Variants in DPP6 observed in about 807,000 individuals in gnomAD.
The protein encoded by DPP6 is A-type potassium channel modulatory protein DPP6.
Under a neutral mutation model 122.6 loss-of-function variants are expected in DPP6, and 69 were observed. The observed-to-expected ratio is 0.56, with a 90% CI of 0.46 to 0.69. The LOEUF (loss-of-function observed/expected upper bound fraction) is 0.69. DPP6 is among the 30% of genes least tolerant of loss of function. The pLI, the probability that DPP6 is intolerant of heterozygous loss-of-function variation, is 0.00. For missense variants in DPP6, 928 were observed against 1,116.9 expected (o/e 0.83, Z 2.41); for synonymous variants, 418 against 433.1 (o/e 0.97, Z 0.43).
chr7:154,197,926 G>T (rs1053637837), intron 1 of DPP6, among the ~76,000 whole-genome samples: 1 of 152,152 alleles, frequency 6.6e-6, no homozygotes, highest in African/African-American at 2.4e-5. Flanking sequence ...TCCAGCAGGA[G>T]CGGCCCACCC....
chr7:154,729,783 G>A (rs1013423043), intron 8 of DPP6, among the ~76,000 whole-genome samples: 1 of 152,208 alleles, frequency 6.6e-6, no homozygotes, highest in African/African-American at 2.4e-5. Context: ...CTCAGAGCAT[G>A]CTGAAGAGTC....
chr7:154,422,080 A>G (rs763949747), intron 1 of DPP6, among the ~76,000 whole-genome samples: 2 of 152,250 alleles, frequency 1.3e-5, no homozygotes, highest in Non-Finnish European at 2.9e-5. Context: ...CCAAGGGAGC[A>G]GTTAGTGAAA....
At chr7:154,458,385 C>T (rs1820988094) in intron 2 of DPP6, among the ~76,000 whole-genome samples, 1 of 152,170 alleles carries the variant, frequency 6.6e-6, no homozygotes, top group African/African-American at 2.4e-5. Context: ...ATTGTGAGGC[C>T]TCCCCAGCCA....
Position 154,296,563 on chromosome 7 carries a change from A to G in DPP6, c.244-149651A>G, listed in dbSNP as rs80026270. ...GTCCTTGGTTCCCAGGAAAAGTGACAGCCTTAACGGCAGCACTGTGATTAC... is the reference window on the plus strand; with the variant it reads ...GTCCTTGGTTCCCAGGAAAAGTGACGGCCTTAACGGCAGCACTGTGATTAC... On this transcript the variant is annotated intron_variant, in intron 1 of 25. Coordinates refer to ENST00000377770, the MANE Select transcript of DPP6 (RefSeq NM_130797.4). Among the ~76,000 whole-genome samples, 716 of 152,324 alleles carry G rather than the reference A, an allele frequency of 4.7e-3. 9 individuals carry two copies. Among genetic ancestry groups the G allele is most frequent in the East Asian group, 0.045 (233 of 5,158 alleles).
rs145177080 is a variant in DPP6, at chr7:154,261,077, G to A, written c.244-185137G>A. Among the ~76,000 whole-genome samples the A allele has an allele frequency of 7.7e-3, 1,168 of 152,106 alleles. 25 individuals are homozygous for A. The highest frequency in any genetic ancestry group is 0.025 in the African/African-American group (1,048 of 41,474). On this transcript the variant is annotated intron_variant, in intron 1 of 25. Transcript: ENST00000377770. ...CGCCTGGGTAATTTTTGTATTTTTA[G>A]TAGAGACAGGGTTTCACCGTATTGG...
intron 1 of DPP6, among the ~76,000 whole-genome samples, chr7:154,128,158 C>T (rs368780947): frequency 1.5e-4 from 22 of 150,774 alleles, no homozygotes; most frequent in African/African-American, 4.7e-4. Flanking sequence ...CCCTGAAATA[C>T]GAATTGCATG....
intron 1 of DPP6, among the ~76,000 whole-genome samples, chr7:154,423,066 G>C (rs889608946): frequency 6.6e-6 from 1 of 152,146 alleles, no homozygotes; most frequent in Non-Finnish European, 1.5e-5. Context: ...TGTGATTACA[G>C]AAAATCTGCG....
At chr7:154,874,246 C>T (rs1804664553) in intron 19 of DPP6, among the ~76,000 whole-genome samples, 1 of 152,246 alleles carries the variant, frequency 6.6e-6, no homozygotes, top group Non-Finnish European at 1.5e-5. Flanking sequence ...TTCCCCTGCA[C>T]ACTGGTTTCT....
chr7:154,126,602 C>T (rs1482464358), intron 1 of DPP6, among the ~76,000 whole-genome samples: 11 of 151,302 alleles, frequency 7.3e-5, no homozygotes, highest in Admixed American at 3.3e-4. Flanking sequence ...GAGTGTCCAT[C>T]GAGCATCACG....
chr7:154,761,634 T>A (rs1260452354), intron 8 of DPP6, among the ~76,000 whole-genome samples: 1 of 152,030 alleles, frequency 6.6e-6, no homozygotes, highest in Admixed American at 6.6e-5. Flanking sequence ...GGGGAGCAGG[T>A]GCATCACGTG....
chr7:154,698,972 A>C (rs3778724), intron 7 of DPP6, among the ~76,000 whole-genome samples: 115,495 of 152,172 alleles, frequency 0.76, 45,771 homozygotes, highest in Non-Finnish European at 0.88. Context: ...TACAGACGGG[A>C]TAACGAGCCC....
At chr7:154,480,477 C>G (rs1023934095) in intron 3 of DPP6, among the ~76,000 whole-genome samples, 2 of 152,180 alleles carry the variant, frequency 1.3e-5, no homozygotes, top group Admixed American at 1.3e-4. Context: ...ACCATTGATT[C>G]CTCCTCTGCC....
At chr7:154,680,885 T>G (rs2131166677) in intron 7 of DPP6, among the ~76,000 whole-genome samples, 1 of 152,300 alleles carries the variant, frequency 6.6e-6, no homozygotes, top group South Asian at 2.1e-4. Context: ...TTGAAAGCTC[T>G]GTTGCAAACC....
intron 1 of DPP6, among the ~76,000 whole-genome samples, chr7:153,919,748 G>A (rs968190540): frequency 4.6e-5 from 7 of 151,998 alleles, no homozygotes; most frequent in East Asian, 1.9e-4. Context: ...TGAAAGCTTC[G>A]GCCTCTGTTT....
chr7:154,406,093 T>A (rs1816062489), intron 1 of DPP6, among the ~76,000 whole-genome samples: 1 of 152,170 alleles, frequency 6.6e-6, no homozygotes, highest in South Asian at 2.1e-4. Flanking sequence ...GGAGGCATGC[T>A]GTAAAGTCTA....
chr7:153,805,297 C>T, the DPP6 span, among the ~76,000 whole-genome samples: 59 of 152,154 alleles, frequency 3.9e-4, no homozygotes, highest in East Asian at 7.9e-3. Flanking sequence ...TGTTTATAAC[C>T]TGTTGACTTT....
the DPP6 span, among the ~76,000 whole-genome samples, chr7:153,767,225 C>G: frequency 6.6e-6 from 1 of 152,202 alleles, no homozygotes; most frequent in Non-Finnish European, 1.5e-5. Flanking sequence ...AAAATGTCCA[C>G]TTTCCTTCTA....
At chr7:154,630,701 A>C (rs1340238962) in intron 5 of DPP6, among the ~76,000 whole-genome samples, 5 of 152,106 alleles carry the variant, frequency 3.3e-5, no homozygotes, top group Non-Finnish European at 7.4e-5. Flanking sequence ...ACCAAACACC[A>C]CATGTTCTCA....
chr7:154,823,763 A>G (rs887055225), intron 16 of DPP6, among the ~76,000 whole-genome samples: 2 of 152,182 alleles, frequency 1.3e-5, no homozygotes, highest in African/African-American at 4.8e-5. Context: ...GGTCCTTGCC[A>G]GTTTAAGAGT....
Sources: gnomAD v4.1 joint callset for allele counts (sites outside exome capture counted in the v4.1 genomes callset) on GRCh38, gnomAD v4.1.1 for gene constraint, MANE v1.5 for transcripts, NCBI Gene and HGNC (gene_info 2026-07-23, HGNC 2026-07-21) for gene names.